Variants in RYR2 observed in about 807,000 individuals in gnomAD.
RYR2 encodes the protein ryanodine receptor 2.
A neutral mutation model predicts 601.1 loss-of-function variants in RYR2; 227 were observed. The observed-to-expected ratio is 0.38, with a 90% confidence interval of 0.34 to 0.42. RYR2 has a LOEUF of 0.42. RYR2 is among the 10% of genes least tolerant of loss of function. The pLI is 1.00. For missense variants in RYR2, 4,646 were observed against 6,156.5 expected (o/e 0.75, Z 8.21); for synonymous variants, 2,223 against 2,175.1 (o/e 1.02, Z -0.61).
intron 8 of RYR2, among the ~76,000 whole-genome samples, chr1:237,379,554 A>G (rs545803150): frequency 2.1e-4 from 32 of 152,370 alleles, no homozygotes; most frequent in Non-Finnish European, 3.5e-4. Context: ...TTTACCTCCT[A>G]TAGAAGGAAA....
rs1179818906 is a variant in RYR2 at position 237,661,077 on chromosome 1, G to T, written c.8436+130G>T. On this transcript the variant is annotated intron_variant, in intron 56 of 104. Transcript: ENST00000366574. Reference sequence around the variant, plus strand: ...AGAGTCACAAAATTTAGAAGGGAGAGAAAAAAGCTATATATATATTTTTTT... The same window carrying T: ...AGAGTCACAAAATTTAGAAGGGAGATAAAAAAGCTATATATATATTTTTTT... The T allele has an allele frequency of 4.6e-6, 4 of 873,630 alleles. No individual in the cohort carries two copies. In the Admixed American group the frequency reaches 1.7e-4, roughly 37 times the overall value. The allele number at this position is 873,630 out of a possible 1,614,324, so 54.1% of individuals were successfully genotyped here. A position where few individuals can be genotyped will look rare whatever the true frequency, so the allele number is the denominator to read the frequency against.
rs143101442 is a variant in RYR2 at position 237,096,089 on chromosome 1, G to T, written c.48+53520G>T. On this transcript the variant is annotated intron_variant, in intron 1 of 104. Transcript: ENST00000366574. Reference sequence around the variant, plus strand: ...CATAGCCTCTGGGATCCTGAAAATTGTTTGGGACTTTTATAGACTTTCACA... The same window carrying T: ...CATAGCCTCTGGGATCCTGAAAATTTTTTGGGACTTTTATAGACTTTCACA... Among the ~76,000 whole-genome samples, 455 of 152,266 alleles carry T rather than the reference G, an allele frequency of 3.0e-3. 6 individuals are homozygous for T. The highest frequency in any genetic ancestry group is 0.011 in the African/African-American group (451 of 41,554).
chr1:237,571,070 G>C (rs555406404), intron 29 of RYR2, among the ~76,000 whole-genome samples: 3 of 152,102 alleles, frequency 2.0e-5, no homozygotes, highest in Non-Finnish European at 4.4e-5. Context: ...CGAGACTGCA[G>C]TGAGCTGTGA....
chr1:237,721,098 C>A (rs1292596413), intron 73 of RYR2, among the ~76,000 whole-genome samples: 1 of 152,026 alleles, frequency 6.6e-6, no homozygotes. Context: ...TTTTTTATTC[C>A]TAACTTCTTG....
intron 51 of RYR2, among the ~76,000 whole-genome samples, chr1:237,652,691 T>C (rs1024128948): frequency 2.6e-5 from 4 of 152,220 alleles, no homozygotes; most frequent in Admixed American, 6.5e-5. Flanking sequence ...TCATCTTCAA[T>C]AGTCCTTGTC....
intron 17 of RYR2, among the ~76,000 whole-genome samples, chr1:237,474,201 A>ATGTGTGTGTGTG (rs372140254): frequency 1.4e-5 from 2 of 141,276 alleles, no homozygotes; most frequent in African/African-American, 5.1e-5. Context: ...GTGTGTATAT[A>ATGTGTGTGTGTG]TGTGTGTGTG....
chr1:237,464,860 T>C (rs1659892591), intron 16 of RYR2, among the ~76,000 whole-genome samples: 1 of 152,200 alleles, frequency 6.6e-6, no homozygotes, highest in South Asian at 2.1e-4. Flanking sequence ...TGTGCTGAGG[T>C]AATGTCACCA....
At chr1:237,609,566 A>G (rs1677586499) in intron 35 of RYR2, among the ~76,000 whole-genome samples, 1 of 151,928 alleles carries the variant, frequency 6.6e-6, no homozygotes, top group African/African-American at 2.4e-5. Flanking sequence ...TATTTTTAGC[A>G]GTGGGCCAGG....
intron 1 of RYR2, among the ~76,000 whole-genome samples, chr1:237,130,248 T>C: frequency 6.6e-6 from 1 of 152,082 alleles, no homozygotes; most frequent in Admixed American, 6.6e-5. Flanking sequence ...TTTATAAAAC[T>C]GGGGGAAGAG....
In RYR2 at chr1:237,625,816, G is replaced by A; in HGVS notation, c.6166+12G>A. On this transcript the variant is annotated intron_variant, in intron 40 of 104. Transcript: ENST00000366574. ...CTCCAAAAAGTCCTGTAAGCAGTAT[G>A]AGAGTGCACTGGCAGAATGACCCAA... 1 of 1,612,376 alleles carries A rather than the reference G, an allele frequency of 6.2e-7. No individual in the cohort carries two copies.
chr1:237,360,273 A>G (rs4475735), intron 4 of RYR2, among the ~76,000 whole-genome samples: 55,418 of 151,996 alleles, frequency 0.36, 10,471 homozygotes, highest in East Asian at 0.44. Flanking sequence ...TATGTCTTCA[A>G]GACATCAGTA....
intron 1 of RYR2, among the ~76,000 whole-genome samples, chr1:237,249,418 G>C (rs115814801): frequency 1.7e-3 from 240 of 138,216 alleles, no homozygotes; most frequent in African/African-American, 6.0e-3. Flanking sequence ...GCTACTCCAA[G>C]TAGCTTGGAT....
At chr1:237,061,211 T>TTCTATCTA (rs55747600) in intron 1 of RYR2, among the ~76,000 whole-genome samples, 14,575 of 102,970 alleles carry the variant, frequency 0.14, 1,884 homozygotes, top group African/African-American at 0.2. Context: ...AATACGGTTG[T>TTCTATCTA]TCTATCTATC....
At chr1:237,266,435 A>G (rs1014795295) in intron 1 of RYR2, among the ~76,000 whole-genome samples, 12 of 152,198 alleles carry the variant, frequency 7.9e-5, no homozygotes, top group African/African-American at 2.9e-4. Flanking sequence ...GATGTATTAC[A>G]TATGGATAAT....
intron 47 of RYR2, among the ~76,000 whole-genome samples, chr1:237,641,578 G>A (rs1681548972): frequency 7.0e-6 from 1 of 142,170 alleles, no homozygotes; most frequent in Non-Finnish European, 1.5e-5. Flanking sequence ...GTCTTGCTCT[G>A]TCTCCCAGGC....
intron 2 of RYR2, among the ~76,000 whole-genome samples, chr1:237,290,381 AC>A (rs956898688): frequency 8.5e-5 from 13 of 152,154 alleles, no homozygotes; most frequent in African/African-American, 2.4e-4. Flanking sequence ...TACTGCAGAG[AC>A]TTGCAAATGT....
chr1:237,145,895 TAGTTAA>T (rs1224727730), intron 1 of RYR2, among the ~76,000 whole-genome samples: 3 of 152,356 alleles, frequency 2.0e-5, no homozygotes, highest in South Asian at 2.1e-4. Context: ...GGTCTATTAT[TAGTTAA>T]AGTTAAAAGG....
At chr1:237,597,895 G>C (rs1272207860) in intron 34 of RYR2, among the ~76,000 whole-genome samples, 1 of 152,098 alleles carries the variant, frequency 6.6e-6, no homozygotes, top group Admixed American at 6.6e-5. Context: ...TGGCTGCATG[G>C]ATAAAAAGCA....
intron 14 of RYR2, among the ~76,000 whole-genome samples, chr1:237,451,884 GTTAA>G (rs1288338226): frequency 6.6e-6 from 1 of 150,940 alleles, no homozygotes; most frequent in Non-Finnish European, 1.5e-5. Context: ...AGTCAAGATA[GTTAA>G]TCATTTGTGT....
Sources: allele counts gnomAD v4.1 joint callset (sites outside exome capture counted in the v4.1 genomes callset), GRCh38; gene constraint gnomAD v4.1.1; transcripts MANE v1.5; gene names NCBI Gene and HGNC (gene_info 2026-07-23, HGNC 2026-07-21).